IQCE: variants seen among roughly 807,000 people sequenced by gnomAD.
IQCE encodes IQ motif containing E.
Under a neutral mutation model 96.0 loss-of-function variants are expected in IQCE, and 115 were observed. The observed-to-expected ratio is 1.20, with a 90% CI of 1.03 to 1.40. The LOEUF is 1.40. Ranked by LOEUF, IQCE falls within the 40% of genes most tolerant of loss-of-function variation. The pLI is 0.00. For missense variants in IQCE, 1,041 were observed against 909.1 expected (o/e 1.15, Z -1.87); for synonymous variants, 412 against 371.2 (o/e 1.11, Z -1.26).
At chr7:2,568,381 G>C (rs1386287478) in intron 2 of IQCE, among the ~76,000 whole-genome samples, 1 of 152,098 alleles carries the variant, frequency 6.6e-6, no homozygotes, top group African/African-American at 2.4e-5. Context: ...AAACACTCTT[G>C]GTCCCAGGCA....
At chr7:2,574,293 G>A (rs1156799045) in intron 6 of IQCE, among the ~76,000 whole-genome samples, 1 of 152,254 alleles carries the variant, frequency 6.6e-6, no homozygotes, top group Non-Finnish European at 1.5e-5. Context: ...GGCATTGGCA[G>A]CCTCGTCCCC....
chr7:2,589,305 A>G (rs1188942461), intron 13 of IQCE, among the ~76,000 whole-genome samples: 1 of 152,112 alleles, frequency 6.6e-6, no homozygotes, highest in African/African-American at 2.4e-5. Flanking sequence ...GAGTTCAAGG[A>G]TGCAGCAAGC....
intron 5 of IQCE, 120 bp downstream of exon 5, chr7:2,572,446 C>A: frequency 8.8e-7 from 1 of 1,138,568 alleles, no homozygotes; most frequent in Non-Finnish European, 1.2e-6. Flanking sequence ...TGAGCTCCGT[C>A]ACTGGGAGGT....
chr7:2,581,708 G>GT (rs1352504251), intron 8 of IQCE, among the ~76,000 whole-genome samples: 2 of 131,526 alleles, frequency 1.5e-5, no homozygotes, highest in African/African-American at 5.8e-5. Context: ...AGAAAAGAAT[G>GT]TTCTTTTTTT....
In IQCE at chr7:2,582,631, G is replaced by T. The variant is rs866861311; in HGVS notation, c.682G>T (p.Glu228Ter). 6.2e-7 allele frequency: 1 copy of T among 1,614,040 alleles called. No individual in the cohort carries two copies. Among genetic ancestry groups the T allele is most frequent in the South Asian group, 1.1e-5 (1 of 91,054 alleles). The change falls in exon 9 of 22, where the codon GAG becomes TAG. Residue 228 changes from glutamate (E) to a stop codon, truncating the protein, a stop_gained. Transcript: ENST00000402050. LOFTEE classifies it high-confidence loss of function. Reference protein sequence around the residue: ...RILKLEQQCKEKDGTISKLQT... With the variant: ...RILKLEQQCK ...CCTGAAGCTGGAACAGCAGTGCAAG[G>T]AGAAGGACGGCACCATCAGGTGGGC...
At chr7:2,587,081 C>A (rs1015741931) in intron 12 of IQCE, among the ~76,000 whole-genome samples, 2 of 152,206 alleles carry the variant, frequency 1.3e-5, no homozygotes, top group Non-Finnish European at 2.9e-5. Context: ...GGTCTGGTTG[C>A]ATCTTGTAGC....
At chr7:2,580,891 A>G (rs1782612633) in intron 8 of IQCE, among the ~76,000 whole-genome samples, 1 of 152,138 alleles carries the variant, frequency 6.6e-6, no homozygotes, top group Non-Finnish European at 1.5e-5. Context: ...GGGAGTGGCC[A>G]GGTCAGAGTA....
rs766917283 is a variant in IQCE, at chr7:2,611,467, A to G, written c.*1305A>G. 16 of 152,402 alleles carry G rather than the reference A, an allele frequency of 1.0e-4. No individual in the cohort carries two copies. The highest frequency in any genetic ancestry group is 2.2e-4 in the Non-Finnish European group (15 of 68,054). 9.4% of individuals were successfully genotyped at this position (152,402 alleles called of 1,614,324 possible). ...TCCCAAGGCTTCCGTCCACGGGGAC[A>G]GGCTTAACCCCTGGGCGCCTTTTCT... is the stretch of plus-strand genomic sequence containing the variant. On this transcript the variant is annotated 3_prime_UTR_variant, in exon 22 of 22. Coordinates refer to ENST00000402050, the MANE Select transcript of IQCE (RefSeq NM_152558.5).
chr7:2,582,258 A>G (rs1302999209), intron 8 of IQCE, among the ~76,000 whole-genome samples: 2 of 152,038 alleles, frequency 1.3e-5, no homozygotes, highest in Non-Finnish European at 2.9e-5. Context: ...CTTTTATTTA[A>G]TATAATCAAG....
At chr7:2,586,783 C>T (rs1009645263) in intron 12 of IQCE, among the ~76,000 whole-genome samples, 4 of 152,146 alleles carry the variant, frequency 2.6e-5, no homozygotes, top group African/African-American at 7.2e-5. Flanking sequence ...GCGAGATAGC[C>T]ATGAAGACGG....
At position 2,614,624 on chromosome 7, in the gene IQCE, A is replaced by G. The variant is rs1257025649; in HGVS notation, c.*4462A>G. 1.3e-5 allele frequency: 2 copies of G among 152,230 alleles called. No homozygotes were observed. The highest frequency in any genetic ancestry group is 2.9e-5 in the Non-Finnish European group (2 of 68,050). 9.4% of individuals were successfully genotyped at this position (152,230 alleles called of 1,614,324 possible). On this transcript the variant is annotated 3_prime_UTR_variant, in exon 22 of 22. Transcript: ENST00000402050. Reference sequence around the variant, plus strand: ...GTATTTAGAATTATTCTAACTTTATACATAATGTATAGGCCGATCTTTTGG... The same window carrying G: ...GTATTTAGAATTATTCTAACTTTATGCATAATGTATAGGCCGATCTTTTGG...
intron 12 of IQCE, among the ~76,000 whole-genome samples, chr7:2,587,074 C>T (rs780033013): frequency 6.6e-6 from 1 of 152,176 alleles, no homozygotes; most frequent in Non-Finnish European, 1.5e-5. Context: ...TGTTCAGGGT[C>T]TGGTTGCATC....
intron 6 of IQCE, among the ~76,000 whole-genome samples, chr7:2,574,518 AT>A (rs771313557): frequency 6.6e-6 from 1 of 152,150 alleles, no homozygotes; most frequent in Non-Finnish European, 1.5e-5. Context: ...GGCCATGGAG[AT>A]TTTGAGCACA....
chr7:2,599,947 C>T (rs758875563), intron 17 of IQCE, among the ~76,000 whole-genome samples: 25 of 152,222 alleles, frequency 1.6e-4, no homozygotes, highest in Non-Finnish European at 3.1e-4. Flanking sequence ...GCACACACCA[C>T]CATGCACAGC....
chr7:2,607,612 C>T, intron 21 of IQCE: 1 of 1,084,938 alleles, frequency 9.2e-7, no homozygotes, highest in Non-Finnish European at 1.1e-6. Context: ...GCTGGCACTG[C>T]AGGATGCCAC....
chr7:2,605,621 AAAATAAATAAATAAGTAAAT>A (rs1355321688), intron 19 of IQCE, among the ~76,000 whole-genome samples: 4 of 146,574 alleles, frequency 2.7e-5, no homozygotes, highest in African/African-American at 1.0e-4. Context: ...CTCCATCTCA[AAAATAAATAAATAAGTAAAT>A]AAATAAATAA....
intron 18 of IQCE, among the ~76,000 whole-genome samples, chr7:2,602,244 C>CT (rs1784484343): frequency 1.3e-5 from 2 of 152,182 alleles, no homozygotes; most frequent in Admixed American, 1.3e-4. Context: ...GACAAGGAGT[C>CT]TGAGACGGGG....
chr7:2,595,137 C>T (rs1162341408), intron 16 of IQCE, among the ~76,000 whole-genome samples, 161 bp downstream of exon 16: 3 of 152,178 alleles, frequency 2.0e-5, no homozygotes, highest in Non-Finnish European at 2.9e-5. Context: ...TCGTGTGTAT[C>T]GAAGTCCGGG....
intron 16 of IQCE, chr7:2,598,170 C>T (rs1378258881): frequency 1.6e-5 from 5 of 309,172 alleles, no homozygotes; most frequent in East Asian, 5.1e-5. Context: ...GTGTGACGGC[C>T]GTGTGAAGAA....
Sources: allele counts gnomAD v4.1 joint callset (sites outside exome capture counted in the v4.1 genomes callset), GRCh38; gene constraint gnomAD v4.1.1; transcripts MANE v1.5; gene names NCBI Gene and HGNC (gene_info 2026-07-23, HGNC 2026-07-21).